PMPCB: variants seen among roughly 807,000 people sequenced by gnomAD.
PMPCB encodes the protein peptidase, mitochondrial processing subunit beta, also known as mitochondrial-processing peptidase subunit beta.
Under a neutral mutation model 61.5 loss-of-function variants are expected in PMPCB, and 46 were observed. The observed-to-expected ratio is 0.75, with a 90% CI of 0.59 to 0.96. The LOEUF (loss-of-function observed/expected upper bound fraction) is 0.96. PMPCB is among the 40% of genes least tolerant of loss of function. The probability of loss-of-function intolerance (pLI) is 0.00; values close to 1 mark genes in which losing one functional copy is unlikely to be tolerated. For missense variants in PMPCB, 590 were observed against 602.4 expected (o/e 0.98, Z 0.22); for synonymous variants, 191 against 201.6 (o/e 0.95, Z 0.44).
Position 103,297,970 on chromosome 7 carries a change from A to T in PMPCB, c.99+412A>T, listed in dbSNP as rs917881076. On this transcript the variant is annotated intron_variant, in intron 1 of 12. Coordinates refer to ENST00000249269, the MANE Select transcript of PMPCB (RefSeq NM_004279.3). ...ATCAATGAAGTAAAATTTTTTATGT[A>T]TTTGCATTTTTCTCATGAGAGAGCC... The T allele has an allele frequency of 5.0e-6, 6 of 1,191,010 alleles. No individual in the cohort carries two copies. The African/African-American group carries it at 6.5e-5, about 13-fold the overall frequency. The allele number at this position is 1,191,010 out of a possible 1,614,324, so 73.8% of individuals were successfully genotyped here.
chr7:103,346,436 TTTTG>T, the PMPCB span, among the ~76,000 whole-genome samples: 1 of 152,018 alleles, frequency 6.6e-6, no homozygotes, highest in Non-Finnish European at 1.5e-5. Flanking sequence ...CGGTCGGGGG[TTTTG>T]TTTTTTAAAA....
intron 5 of PMPCB, 151 bp from the exon 6 acceptor site, chr7:103,304,260 A>G (rs1157032014): frequency 1.5e-6 from 1 of 658,976 alleles, no homozygotes; most frequent in Non-Finnish European, 2.7e-6. Context: ...TCTTTGATGT[A>G]AAAAAGGTGA....
chr7:103,331,942 C>T (rs992925435), downstream of PMPCB, among the ~76,000 whole-genome samples: 1 of 151,878 alleles, frequency 6.6e-6, no homozygotes, highest in Non-Finnish European at 1.5e-5. Flanking sequence ...CTAATTTGCA[C>T]AGTGGCTATG....
rs1586054385 is a variant in PMPCB at position 103,312,466 on chromosome 7, A to G, written c.*195A>G. 5.2e-6 allele frequency: 8 copies of G among 1,541,978 alleles called. No individual in the cohort carries two copies. The highest frequency in any genetic ancestry group is 4.6e-5 in the East Asian group (2 of 43,430). On this transcript the variant is annotated 3_prime_UTR_variant, in exon 13 of 13. Coordinates refer to ENST00000249269, the MANE Select transcript of PMPCB (RefSeq NM_004279.3). ...TTTGTTCTCTGAGAAATTATGTTGG[A>G]AGCAGCATACTTTCAAATTATTACC...
chr7:103,338,044 T>C, the PMPCB span, among the ~76,000 whole-genome samples: 70 of 152,140 alleles, frequency 4.6e-4, no homozygotes, highest in African/African-American at 1.6e-3. Context: ...AGGTGGAGGA[T>C]TGCTTGAGCC....
At chr7:103,305,579 A>AT (rs1817553984) in intron 6 of PMPCB, among the ~76,000 whole-genome samples, 1 of 151,950 alleles carries the variant, frequency 6.6e-6, no homozygotes, top group Non-Finnish European at 1.5e-5. Flanking sequence ...ATTTCTTTGT[A>AT]TTTTTTAATA....
chr7:103,344,160 T>G, the PMPCB span: 1 of 203,428 alleles, frequency 4.9e-6, no homozygotes, highest in Non-Finnish European at 9.9e-6. Context: ...GAGAAAGTTG[T>G]TTAAGAGAGC....
At chr7:103,310,222 A>C in intron 8 of PMPCB, 93 bp from the exon 9 acceptor site, 1 of 885,852 alleles carries the variant, frequency 1.1e-6, no homozygotes, top group African/African-American at 1.7e-5. Flanking sequence ...ACAGCCTCTA[A>C]GGATATTCAC....
chr7:103,307,656 C>T lies in PMPCB; in HGVS notation c.797C>T (p.Thr266Ile). Residue 266 changes from threonine (T) to isoleucine (I), a missense_variant, in exon 7 of 13, where the codon ACA (threonine) becomes ATA (isoleucine). Thr to Ile is a moderately conservative substitution (Grantham distance 89). Coordinates refer to ENST00000249269, the MANE Select transcript of PMPCB (RefSeq NM_004279.3). ...AKFHFGDSLC[T>I]HKGEIPALPP... ...TTTCATTTCGGTGACTCTTTATGCA[C>T]ACACAAAGGAGAAATACCAGCTCTG... 1 of 1,613,556 alleles carries T rather than the reference C, an allele frequency of 6.2e-7. No homozygotes were observed. Among genetic ancestry groups the T allele is most frequent in the Non-Finnish European group, 8.5e-7 (1 of 1,179,468 alleles).
chr7:103,309,099 A>C lies in PMPCB; in HGVS notation c.993+4A>C. ...TCGCTCTTTTGGGGGAGGAATGGTA[A>C]GTGATTTTAAAAGAAATTTTCCATA... On this transcript the variant is annotated splice_donor_region_variant and intron_variant, in intron 8 of 12. Coordinates refer to ENST00000249269, the MANE Select transcript of PMPCB (RefSeq NM_004279.3). 1 of 1,583,766 alleles carries C rather than the reference A, an allele frequency of 6.3e-7. No individual in the cohort carries two copies. The highest frequency in any genetic ancestry group is 1.2e-5 in the South Asian group (1 of 86,310).
chr7:103,304,528 AGTT>A (rs1817529883), intron 6 of PMPCB, 38 bp downstream of exon 6: 1 of 1,291,276 alleles, frequency 7.7e-7, no homozygotes, highest in Non-Finnish European at 1.1e-6. Context: ...TTTTAAACAC[AGTT>A]GTTGGAGTGG....
chr7:103,320,860 ACT>A (rs1425476326), intron 12 of PMPCB: 2 of 132,228 alleles, frequency 1.5e-5, no homozygotes, highest in Admixed American at 9.1e-5. Context: ...TGAGATGGAG[ACT>A]CTGTCTTGTT....
chr7:103,315,353 A>G (rs1426178172), downstream of PMPCB, among the ~76,000 whole-genome samples: 1 of 152,160 alleles, frequency 6.6e-6, no homozygotes, highest in Non-Finnish European at 1.5e-5. Flanking sequence ...CATACTTTGA[A>G]CCATAAGTTA....
chr7:103,327,188 CT>C, intron 12 of PMPCB: 1 of 350,902 alleles, frequency 2.8e-6, no homozygotes, highest in Middle Eastern at 4.6e-4. Flanking sequence ...CAATAAGTAA[CT>C]GTAGGGTCTG....
chr7:103,341,732 C>G, the PMPCB span: 61 of 1,497,240 alleles, frequency 4.1e-5, no homozygotes, highest in Non-Finnish European at 5.4e-5. Context: ...AACAAAGCAT[C>G]TGACTGAACA....
At chr7:103,299,968 C>T (rs1422527395) in intron 3 of PMPCB, among the ~76,000 whole-genome samples, 2 of 151,892 alleles carry the variant, frequency 1.3e-5, no homozygotes, top group Non-Finnish European at 2.9e-5. Flanking sequence ...GCCATGTTGG[C>T]CTCGATCTCT....
At position 103,313,440 on chromosome 7, in the gene PMPCB, A is replaced by T; in HGVS notation, c.*1169A>T. 1 of 984,344 alleles carries T rather than the reference A, an allele frequency of 1.0e-6. No homozygotes were observed. Among genetic ancestry groups the T allele is most frequent in the Non-Finnish European group, 1.2e-6 (1 of 828,916 alleles). 61.0% of individuals were successfully genotyped at this position (984,344 alleles called of 1,614,324 possible). ...ATAGTACTGTTGGACTCTTGGACTCAAAAACACAACCACAATTCATTAAGA... is the reference window on the plus strand; with the variant it reads ...ATAGTACTGTTGGACTCTTGGACTCTAAAACACAACCACAATTCATTAAGA... On this transcript the variant is annotated 3_prime_UTR_variant, in exon 13 of 13. Transcript: ENST00000249269.
downstream of PMPCB, among the ~76,000 whole-genome samples, chr7:103,330,352 A>G (rs1241768570): frequency 6.6e-6 from 1 of 151,960 alleles, no homozygotes; most frequent in Non-Finnish European, 1.5e-5. Flanking sequence ...GTGGCACCCA[A>G]TCTCAGCTCA....
intron 3 of PMPCB, 26 bp from the exon 4 acceptor site, chr7:103,300,152 A>G: frequency 6.2e-7 from 1 of 1,600,236 alleles, no homozygotes; most frequent in Non-Finnish European, 8.5e-7. Context: ...AGTTTGCATA[A>G]TTTGTTTTTC....
Sources: gnomAD v4.1 joint callset for allele counts (sites outside exome capture counted in the v4.1 genomes callset) on GRCh38, gnomAD v4.1.1 for gene constraint, MANE v1.5 for transcripts, NCBI Gene and HGNC (gene_info 2026-07-23, HGNC 2026-07-21) for gene names.